PCSK7: variants seen among roughly 807,000 people sequenced by gnomAD.
PCSK7 encodes lymphoma proprotein convertase.
Under a neutral mutation model 73.3 loss-of-function variants are expected in PCSK7, and 38 were observed. That is an observed-to-expected ratio of 0.52 (90% CI 0.40 to 0.68). PCSK7 has a LOEUF of 0.68. Ranked by LOEUF, PCSK7 falls within the 30% of genes least tolerant of loss-of-function variation. PCSK7 has a pLI of 0.00. For missense variants in PCSK7, 692 were observed against 991.5 expected, an observed-to-expected ratio of 0.70 and a Z score of 4.06; for synonymous variants, 296 against 383.8, an observed-to-expected ratio of 0.77 and a Z score of 2.68.
At position 117,219,818 on chromosome 11, in the gene PCSK7, G is replaced by A. The variant is rs373564096; in HGVS notation, c.1156-60C>T. The A allele has an allele frequency of 7.3e-6, 10 of 1,362,724 alleles. No homozygotes were observed. The East Asian group carries it at 1.0e-4, about 14-fold the overall frequency. The allele number at this position is 1,362,724 out of a possible 1,614,324, so 84.4% of individuals were successfully genotyped here. A position where few individuals can be genotyped will look rare whatever the true frequency, so the allele number is the denominator to read the frequency against. The stretch of plus-strand genomic sequence containing the variant: ...GACTGAGTTCAAGCTGGGGACAGTG[G>A]TGTGCACCTATAGTCCCGGCTACCT... On this transcript the variant is annotated intron_variant, in intron 9 of 16. Transcript: ENST00000320934.
chr11:117,229,526 C>G lies in PCSK7; in HGVS notation c.319G>C (p.Ala107Pro). The G allele has an allele frequency of 6.2e-7, 1 of 1,613,120 alleles. No homozygotes were observed. Among genetic ancestry groups the G allele is most frequent in the Non-Finnish European group, 8.5e-7 (1 of 1,180,032 alleles). Reference protein sequence around the residue: ...LFVQPAGHRPALEVEAIRQQV... With the variant: ...LFVQPAGHRPPLEVEAIRQQV... ...TGCCGGATGGCCTCCACCTCCAGGGCCGGCCTGTGCCCAGCAGGCTGGACA... is the reference window on the plus strand; with the variant it reads ...TGCCGGATGGCCTCCACCTCCAGGGGCGGCCTGTGCCCAGCAGGCTGGACA... The change falls in exon 3 of 17, where the codon GCC becomes CCC. Residue 107 changes from alanine to proline, a missense_variant. Physicochemically the swap from Ala to Pro is conservative, Grantham distance 27. Coordinates refer to ENST00000320934, the MANE Select transcript of PCSK7 (RefSeq NM_004716.4).
At chr11:117,209,706 G>A (rs1301876082) in intron 12 of PCSK7, 1 of 154,498 alleles carries the variant, frequency 6.5e-6, no homozygotes, top group Admixed American at 6.4e-5. Context: ...ATAGCCAGGT[G>A]TGGTGGTGTG....
intron 6 of PCSK7, 101 bp from the exon 7 acceptor site, chr11:117,224,856 C>T: frequency 2.4e-6 from 2 of 827,846 alleles, no homozygotes. Flanking sequence ...ACCTGCAGCT[C>T]TTAACTCCTC....
In PCSK7 at chr11:117,224,081, T is replaced by C; in HGVS notation, c.1051A>G (p.Ile351Val). The change falls in exon 8 of 17, where the codon ATA (isoleucine) becomes GTA (valine). Residue 351 changes from isoleucine (I) to valine (V), a missense_variant. By Grantham distance (29) the Ile-to-Val change is conservative. This residue lies in a region of PCSK7 where 574 missense variants were observed against 689.8 expected (regional missense o/e 0.83). Coordinates refer to ENST00000320934, the MANE Select transcript of PCSK7 (RefSeq NM_004716.4). ...CACAGAAACATTGGGTGACTACCTA[T>C]GGTGACGGTGTAGATGGAGTTGGCG... ...GYANSIYTVTIGAVDEEGRMP... is the reference protein window; with the variant it reads ...GYANSIYTVTVGAVDEEGRMP... 1 of 1,614,212 alleles carries C rather than the reference T, an allele frequency of 6.2e-7. No individual in the cohort carries two copies. The highest frequency in any genetic ancestry group is 2.2e-5 in the East Asian group (1 of 44,892).
In PCSK7 at chr11:117,220,424, G is replaced by A. The variant is rs538608106; in HGVS notation, c.1156-666C>T. ...CACCACACTAATATTCTTATTTTTT[G>A]TAGAGACAGCATCTCACTATGTTGC... On this transcript the variant is annotated intron_variant, in intron 9 of 16. Transcript: ENST00000320934. 1.1e-3 allele frequency: 163 copies of A among 152,388 alleles called. 1 individual carries two copies. The Middle Eastern group carries it at 0.017, about 16-fold the overall frequency. The allele number at this position is 152,388 out of a possible 1,614,324, so 9.4% of individuals were successfully genotyped here. A position where few individuals can be genotyped will look rare whatever the true frequency, so the allele number is the denominator to read the frequency against.
At chr11:117,213,216 T>C (rs2031809837) in intron 12 of PCSK7, 1 of 152,202 alleles carries the variant, frequency 6.6e-6, no homozygotes, top group Non-Finnish European at 1.5e-5. Flanking sequence ...CTAGAACTAA[T>C]ACAGTGCCTG....
intron 6 of PCSK7, 46 bp downstream of exon 6, chr11:117,225,885 C>T (rs1450129947): frequency 2.4e-6 from 3 of 1,242,810 alleles, no homozygotes; most frequent in Non-Finnish European, 3.6e-6. Context: ...CGGATTTGTC[C>T]CAGGTGCTCC....
At chr11:117,227,465 T>C (rs2134330075) in intron 4 of PCSK7, 143 bp from the exon 5 acceptor site, 4 of 714,772 alleles carry the variant, frequency 5.6e-6, no homozygotes, top group Admixed American at 2.4e-5. Context: ...GTTTTTGAGA[T>C]GGAGTCTCAC....
intron 12 of PCSK7, chr11:117,210,929 C>G (rs889504812): frequency 6.6e-6 from 1 of 151,646 alleles, no homozygotes; most frequent in Non-Finnish European, 1.5e-5. Flanking sequence ...GAGTGAGAGC[C>G]TGTCTCAAAA....
Position 117,218,847 on chromosome 11 carries a change from A to G in PCSK7, c.1431+210T>C, listed in dbSNP as rs1052524158. ...CACATACTCAGGTCCCATTTACTCT[A>G]TTAGTAGTTTGGAAACTTCAGTGAT... is the stretch of plus-strand genomic sequence containing the variant. On this transcript the variant is annotated intron_variant, in intron 11 of 16. Transcript: ENST00000320934. This position sits in a 1 kb window ranked among gnomAD's most constrained non-coding sequence, Gnocchi z 4.0. The G allele has an allele frequency of 6.8e-6, 4 of 584,820 alleles. No homozygotes were observed. The highest frequency in any genetic ancestry group is 3.7e-5 in the African/African-American group (2 of 53,664). 36.2% of individuals were successfully genotyped at this position (584,820 alleles called of 1,614,324 possible).
chr11:117,231,107 G>T (rs1353203045), intron 1 of PCSK7: 1 of 152,056 alleles, frequency 6.6e-6, no homozygotes, highest in African/African-American at 2.4e-5. Context: ...GACAAATGGG[G>T]TGGCAGGACA....
intron 8 of PCSK7, 61 bp downstream of exon 8, chr11:117,224,017 G>A (rs572691843): frequency 1.4e-5 from 21 of 1,527,478 alleles, no homozygotes; most frequent in African/African-American, 1.2e-4. Flanking sequence ...AGGACAAGAC[G>A]TGTGATGCCC....
intron 1 of PCSK7, among the ~76,000 whole-genome samples, chr11:117,230,778 C>A (rs942104425): frequency 7.2e-5 from 11 of 152,242 alleles, no homozygotes; most frequent in African/African-American, 2.6e-4. Context: ...CAGGTGGTAG[C>A]TAACTTCTTG....
intron 10 of PCSK7, 97 bp from the exon 11 acceptor site, chr11:117,219,261 TC>T: frequency 1.2e-6 from 1 of 854,922 alleles, no homozygotes; most frequent in South Asian, 1.6e-5. Flanking sequence ...GCTGATCCAG[TC>T]CACGCTCTCC....
intron 8 of PCSK7, 74 bp downstream of exon 8, chr11:117,224,004 G>T: frequency 6.9e-7 from 1 of 1,449,696 alleles, no homozygotes; most frequent in Middle Eastern, 1.7e-4. Context: ...ACACACAGAA[G>T]CTAGGACAAG....
rs1288508686 is a variant in PCSK7 at position 117,219,688 on chromosome 11, G to A, written c.1226C>T (p.Ala409Val). The A allele has an allele frequency of 6.2e-7, 1 of 1,611,762 alleles. No individual in the cohort carries two copies. The highest frequency in any genetic ancestry group is 2.2e-5 in the East Asian group (1 of 44,720). ...TEGHTGTSAAAPLAAGMIALM... is the reference protein window; with the variant it reads ...TEGHTGTSAAVPLAAGMIALM... ...GGCTATCATGCCAGCTGCCAGAGGC[G>A]CTGCAGCTGAGGTCCCTGTGTGGCC... The change falls in exon 10 of 17, where the codon GCG (alanine) becomes GTG (valine). Residue 409 changes from alanine (A) to valine (V), a missense_variant. By Grantham distance (64) the Ala-to-Val change is moderately conservative. Transcript: ENST00000320934.
At position 117,224,692 on chromosome 11, in the gene PCSK7, G is replaced by T; in HGVS notation, c.915+9C>A. 6.2e-7 allele frequency: 1 copy of T among 1,608,704 alleles called. No individual in the cohort carries two copies. Among genetic ancestry groups the T allele is most frequent in the African/African-American group, 1.3e-5 (1 of 74,876 alleles). On this transcript the variant is annotated intron_variant, in intron 7 of 16. Coordinates refer to ENST00000320934, the MANE Select transcript of PCSK7 (RefSeq NM_004716.4). ...CCCGTTTCTCAGAGTCTTTGTGCAG[G>T]CCAGTTACCTTTCCAAGCTGATGGG...
intron 5 of PCSK7, chr11:117,226,910 C>T (rs2032452172): frequency 2.3e-6 from 1 of 433,684 alleles, no homozygotes; most frequent in African/African-American, 2.1e-5. Context: ...AGAGGAAAAA[C>T]CGACAAGAAG....
At chr11:117,223,652 T>G in intron 8 of PCSK7, 1 of 361,668 alleles carries the variant, frequency 2.8e-6, no homozygotes, top group Non-Finnish European at 5.1e-6. Context: ...ATCAGGGCCA[T>G]ATGGAAAAGG....
Sources: allele counts gnomAD v4.1 joint callset (sites outside exome capture counted in the v4.1 genomes callset), GRCh38; gene constraint gnomAD v4.1.1; regional missense constraint gnomAD v4.1.1; non-coding constraint Gnocchi (gnomAD v3.1); transcripts MANE v1.5; gene names NCBI Gene and HGNC (gene_info 2026-07-23, HGNC 2026-07-21).